The following ALG13 variants were observed in gnomAD, a reference collection of about 807,000 sequenced individuals.
ALG13 encodes UDP-N-acetylglucosamine transferase subunit ALG13.
In ALG13, 11 loss-of-function variants were observed where a neutral mutation model predicts 87.8. The ratio of observed to expected loss-of-function variants is 0.13; its 90% CI spans 0.08 to 0.21. The LOEUF is 0.21. Ranked by LOEUF, ALG13 falls within the 10% of genes least tolerant of loss-of-function variation. The probability of loss-of-function intolerance (pLI) is 1.00; values close to 1 mark genes in which losing one functional copy is unlikely to be tolerated. For synonymous variants in ALG13, 320 were observed against 306.3 expected, an observed-to-expected ratio of 1.04 and a Z score of -0.47; for missense variants, 756 against 866.1, an observed-to-expected ratio of 0.87 and a Z score of 1.60.
intron 24 of ALG13, among the ~76,000 whole-genome samples, chrX:111,752,290 C>T (rs1213050382): frequency 9.0e-6 from 1 of 111,611 alleles, no homozygotes; most frequent in East Asian, 2.8e-4. Flanking sequence ...GGTAACTAAA[C>T]CGTAGATGAG....
chrX:111,687,921 T>C (rs1322122712), intron 3 of ALG13: 14 of 1,178,230 alleles, frequency 1.2e-5, no homozygotes, highest in South Asian at 2.0e-5. Flanking sequence ...AATGGACTTA[T>C]CAACACTGAA....
rs754711334 is a variant in ALG13, at chrX:111,686,966, T to C, written c.383+1863T>C. Among the ~76,000 whole-genome samples, 8 of 112,463 alleles carry C rather than the reference T, an allele frequency of 7.1e-5. No homozygotes were observed. In the South Asian group the frequency reaches 2.9e-3, roughly 41 times the overall value. ...GTAATTGATTGGTTATATTTTCTTT[T>C]CTTTTTTTGAGACGGAGTTTCGCTC... On this transcript the variant is annotated intron_variant, in intron 3 of 26. Coordinates refer to ENST00000394780, the MANE Select transcript of ALG13 (RefSeq NM_001099922.3).
At chrX:111,691,134 T>A (rs778022309) in intron 3 of ALG13, among the ~76,000 whole-genome samples, 4 of 111,413 alleles carry the variant, frequency 3.6e-5, no homozygotes, top group African/African-American at 1.3e-4. Context: ...CAAGTCTCGC[T>A]CTGTCACCCA....
chrX:111,729,397 A>G (rs756703393), intron 19 of ALG13, among the ~76,000 whole-genome samples: 17 of 111,314 alleles, frequency 1.5e-4, no homozygotes, highest in South Asian at 1.1e-3. Flanking sequence ...CTACTAGTGT[A>G]GAAAAAAAAT....
chrX:111,753,417 A>AAAACC (rs1454097130), intron 25 of ALG13, among the ~76,000 whole-genome samples: 5 of 112,049 alleles, frequency 4.5e-5, no homozygotes, highest in Non-Finnish European at 9.4e-5. Context: ...AAACAAATTC[A>AAAACC]AAACCTAGCA....
chrX:111,688,560 TATTC>T (rs1935530973), intron 3 of ALG13: 1 of 736,682 alleles, frequency 1.4e-6, no homozygotes, highest in Admixed American at 9.2e-5. Context: ...GGAGTGGATA[TATTC>T]ACTTTTTTTT....
chrX:111,700,585 G>GT (rs1351414511), intron 3 of ALG13, among the ~76,000 whole-genome samples: 17 of 95,953 alleles, frequency 1.8e-4, no homozygotes, highest in East Asian at 6.6e-4. Flanking sequence ...GTTTTTTTTT[G>GT]TTTTTTTTTG....
At chrX:111,751,734 T>C (rs200884412) in intron 24 of ALG13, among the ~76,000 whole-genome samples, 1 of 111,417 alleles carries the variant, frequency 9.0e-6, no homozygotes, top group African/African-American at 3.3e-5. Context: ...TAAAAAAAAA[T>C]GGCAATAAAT....
At chrX:111,716,105 ATCT>A (rs1327105210) in intron 8 of ALG13, among the ~76,000 whole-genome samples, 2 of 112,123 alleles carry the variant, frequency 1.8e-5, no homozygotes, top group Non-Finnish European at 3.8e-5. Context: ...ATTGGTGAGT[ATCT>A]TTCTGTATCA....
intron 22 of ALG13, 30 bp from the exon 23 acceptor site, chrX:111,736,684 A>T: frequency 8.4e-7 from 1 of 1,188,865 alleles, no homozygotes; most frequent in Non-Finnish European, 1.1e-6. Flanking sequence ...ACCAAACTTA[A>T]GAGTTTTGAA....
intron 24 of ALG13, among the ~76,000 whole-genome samples, chrX:111,748,151 T>C (rs990971510): frequency 8.9e-6 from 1 of 112,740 alleles, no homozygotes; most frequent in South Asian, 3.7e-4. Flanking sequence ...AGTTTACTTA[T>C]TGAGTTCTAA....
chrX:111,714,278 G>C (rs1387960143), intron 8 of ALG13: 3 of 110,725 alleles, frequency 2.7e-5, no homozygotes. Context: ...GACCTGCAAA[G>C]GGTTAATTAC....
rs746403856 is a variant in ALG13 at position 111,681,408 on chromosome X, C to A, written c.81+109C>A. On this transcript the variant is annotated intron_variant, in intron 1 of 26. Transcript: ENST00000394780. Reference sequence around the variant, plus strand: ...GACCGTCGCGCTCGGAAAGAAACCCCCGCAACTCTACCACAGGTGCCGCTG... The same window carrying A: ...GACCGTCGCGCTCGGAAAGAAACCCACGCAACTCTACCACAGGTGCCGCTG... 4 of 1,168,433 alleles carry A rather than the reference C, an allele frequency of 3.4e-6. No individual in the cohort carries two copies. The East Asian group carries it at 1.2e-4, about 35-fold the overall frequency.
In ALG13 at chrX:111,747,579, C is replaced by T. The variant is rs5985355; in HGVS notation, c.2932+2675C>T. 9.0e-3 allele frequency among the ~76,000 whole-genome samples: 1,005 copies of T among 111,170 alleles called. 18 individuals are homozygous for T. The highest frequency in any genetic ancestry group is 0.03 in the African/African-American group (928 of 30,567). On this transcript the variant is annotated intron_variant, in intron 24 of 26. Transcript: ENST00000394780. The stretch of plus-strand genomic sequence containing the variant: ...TCAGCTCATTGCAACCTCTGCCTCC[C>T]GGGCTCAAGCAATTCTCCTGCCTAA...
chrX:111,727,322 T>C lies in ALG13; in HGVS notation c.1977-10T>C, dbSNP rs1472854792. On this transcript the variant is annotated splice_polypyrimidine_tract_variant and intron_variant, in intron 16 of 26. Coordinates refer to ENST00000394780, the MANE Select transcript of ALG13 (RefSeq NM_001099922.3). Reference sequence around the variant, plus strand: ...TAGAGAGTTCTAGTTTCCTTTCTCTTTATTCTTAGGAATTCATCTCGGTTT... The same window carrying C: ...TAGAGAGTTCTAGTTTCCTTTCTCTCTATTCTTAGGAATTCATCTCGGTTT... 8.5e-7 allele frequency: 1 copy of C among 1,183,330 alleles called. No individual in the cohort carries two copies. Among genetic ancestry groups the C allele is most frequent in the African/African-American group, 1.8e-5 (1 of 56,705 alleles).
intron 4 of ALG13, among the ~76,000 whole-genome samples, chrX:111,708,674 A>G (rs1029059600): frequency 2.1e-4 from 23 of 111,522 alleles, no homozygotes; most frequent in African/African-American, 7.2e-4. Context: ...ACTTTGAAAT[A>G]TATCTTGATC....
At chrX:111,692,331 G>T (rs1481160925) in intron 3 of ALG13, among the ~76,000 whole-genome samples, 1 of 111,757 alleles carries the variant, frequency 8.9e-6, no homozygotes, top group Non-Finnish European at 1.9e-5. Flanking sequence ...CAGGATCCAA[G>T]ACATGATTCC....
chrX:111,715,650 G>A (rs920887170), intron 8 of ALG13, among the ~76,000 whole-genome samples: 17 of 112,286 alleles, frequency 1.5e-4, no homozygotes, highest in Non-Finnish European at 2.1e-4. Flanking sequence ...CCCAGGAGGC[G>A]GAGGTTGCAG....
chrX:111,687,777 T>C, intron 3 of ALG13: 1 of 664,856 alleles, frequency 1.5e-6, no homozygotes, highest in Admixed American at 4.8e-5. Context: ...ATGTGCAGTT[T>C]TTAGAAGTAC....
Sources: allele counts gnomAD v4.1 joint callset (sites outside exome capture counted in the v4.1 genomes callset), GRCh38; gene constraint gnomAD v4.1.1; transcripts MANE v1.5; gene names NCBI Gene and HGNC (gene_info 2026-07-23, HGNC 2026-07-21).